The following TNNT3 variants were observed in gnomAD, a reference collection of about 807,000 sequenced individuals.
The protein encoded by TNNT3 is troponin T, fast skeletal muscle.
A neutral mutation model predicts 54.2 loss-of-function variants in TNNT3; 36 were observed. That is an observed-to-expected ratio of 0.66 (90% CI 0.51 to 0.88). The LOEUF (loss-of-function observed/expected upper bound fraction) is 0.88, where lower values mean the gene tolerates loss of function less well. Ranked by LOEUF, TNNT3 falls within the 40% of genes least tolerant of loss-of-function variation. The pLI is 0.00. For synonymous variants in TNNT3, 120 were observed against 109.7 expected, an observed-to-expected ratio of 1.09 and a Z score of -0.59; for missense variants, 291 against 331.6, an observed-to-expected ratio of 0.88 and a Z score of 0.95.
At chr11:1,928,434 C>T (rs142433698) in intron 6 of TNNT3, among the ~76,000 whole-genome samples, 2,060 of 152,260 alleles carry the variant, frequency 0.014, 28 homozygotes, top group Non-Finnish European at 0.022. Context: ...CCAGAGGGGC[C>T]CAGTCTCAGG....
chr11:1,938,539 A>G lies in TNNT3; in HGVS notation c.*47A>G. The G allele has an allele frequency of 6.3e-7, 1 of 1,586,160 alleles. No homozygotes were observed. Among genetic ancestry groups the G allele is most frequent in the Non-Finnish European group, 8.6e-7 (1 of 1,156,794 alleles). ...AGGCAGAGACCCTCCGCCCTCTTGCACACCAGGGCCGCTCGTGGGACTCCA... is the reference window on the plus strand; with the variant it reads ...AGGCAGAGACCCTCCGCCCTCTTGCGCACCAGGGCCGCTCGTGGGACTCCA... On this transcript the variant is annotated 3_prime_UTR_variant, in exon 16 of 16. Coordinates refer to ENST00000278317, the MANE Select transcript of TNNT3 (RefSeq NM_006757.4).
intron 6 of TNNT3, chr11:1,927,800 C>T: frequency 6.6e-6 from 1 of 152,658 alleles, no homozygotes; most frequent in African/African-American, 2.4e-5. Flanking sequence ...GCTCCTCAGC[C>T]ACGCACTGCG....
At chr11:1,923,006 T>C in intron 2 of TNNT3, 42 bp from the exon 3 acceptor site, 1 of 1,613,826 alleles carries the variant, frequency 6.2e-7, no homozygotes. Context: ...CCAGCCTCAC[T>C]ACCTCTCTCT....
At position 1,938,441 on chromosome 11, in the gene TNNT3, C is replaced by T; in HGVS notation, c.726C>T (p.Ser242=). 1.9e-6 allele frequency: 3 copies of T among 1,613,302 alleles called. No individual in the cohort carries two copies. Among genetic ancestry groups the T allele is most frequent in the Non-Finnish European group, 2.5e-6 (3 of 1,179,920 alleles). The part of the protein sequence containing the change: ...RSRIDQAQKH[S]KKAGTPAKGK... ...ATCACTTGCTTCCCATTTGCAGCAG[C>T]AAGAAGGCTGGGACCCCAGCCAAGG... Residue 242 remains serine (S), a synonymous_variant, in exon 16 of 16, where the codon AGC becomes AGT. Transcript: ENST00000278317.
chr11:1,922,752 C>A (rs949099622), intron 1 of TNNT3, 105 bp from the exon 2 acceptor site: 2 of 1,158,504 alleles, frequency 1.7e-6, no homozygotes, highest in African/African-American at 3.0e-5. Flanking sequence ...GCCCGCGGTC[C>A]CCCACAGCGC....
chr11:1,933,602 C>T, intron 9 of TNNT3, 119 bp from the exon 10 acceptor site: 1 of 781,936 alleles, frequency 1.3e-6, no homozygotes, highest in Non-Finnish European at 2.3e-6. Flanking sequence ...TCATGGTGGC[C>T]AAGGGAGTCA....
At chr11:1,923,507 G>T (rs1276054374) in intron 3 of TNNT3, 48 bp from the exon 4 acceptor site, 2 of 1,610,230 alleles carry the variant, frequency 1.2e-6, no homozygotes, top group East Asian at 4.5e-5. Flanking sequence ...TCCCTTCACG[G>T]GCTGCCCCTT....
At chr11:1,928,836 C>G (rs1336621709) in intron 6 of TNNT3, 1 of 531,592 alleles carries the variant, frequency 1.9e-6, no homozygotes, top group Non-Finnish European at 3.4e-6. Context: ...CCCTTAGCCC[C>G]CCACCTTGCC....
intron 4 of TNNT3, among the ~76,000 whole-genome samples, chr11:1,924,021 C>T (rs1236485675): frequency 6.6e-6 from 1 of 151,498 alleles, no homozygotes; most frequent in African/African-American, 2.4e-5. Flanking sequence ...AGTTCCTTTC[C>T]GTGTCTCTCT....
chr11:1,929,421 C>G (rs529570266), intron 7 of TNNT3, among the ~76,000 whole-genome samples: 11 of 152,198 alleles, frequency 7.2e-5, no homozygotes, highest in Non-Finnish European at 1.2e-4. Context: ...GAGCCCGGGC[C>G]GGGCACGCCC....
At chr11:1,925,320 C>A (rs1189742247) in intron 5 of TNNT3, 3 of 1,562,264 alleles carry the variant, frequency 1.9e-6, no homozygotes, top group East Asian at 4.7e-5. Context: ...GGGCCCGGGG[C>A]CTGGCTGGAG....
Position 1,938,529 on chromosome 11 carries a change from G to T in TNNT3, c.*37G>T. 6.2e-7 allele frequency: 1 copy of T among 1,607,534 alleles called. No homozygotes were observed. Among genetic ancestry groups the T allele is most frequent in the Non-Finnish European group, 8.5e-7 (1 of 1,175,556 alleles). ...AGGCCCCTCGAGGCAGAGACCCTCC[G>T]CCCTCTTGCACACCAGGGCCGCTCG... On this transcript the variant is annotated 3_prime_UTR_variant, in exon 16 of 16. Coordinates refer to ENST00000278317, the MANE Select transcript of TNNT3 (RefSeq NM_006757.4).
At chr11:1,924,022 G>A (rs1476970251) in intron 4 of TNNT3, among the ~76,000 whole-genome samples, 3 of 151,754 alleles carry the variant, frequency 2.0e-5, no homozygotes, top group South Asian at 2.1e-4. Context: ...GTTCCTTTCC[G>A]TGTCTCTCTT....
intron 8 of TNNT3, among the ~76,000 whole-genome samples, chr11:1,930,433 T>G (rs1853041484): frequency 6.6e-6 from 1 of 152,212 alleles, no homozygotes; most frequent in African/African-American, 2.4e-5. Context: ...GAGCTCACTG[T>G]GCAGGGGCCC....
chr11:1,935,738 C>A (rs1250563456), intron 14 of TNNT3, among the ~76,000 whole-genome samples: 12 of 152,124 alleles, frequency 7.9e-5, no homozygotes, highest in African/African-American at 2.9e-4. Context: ...CCGCCAGAGG[C>A]CCCAGGGGAG....
chr11:1,936,202 T>G, intron 14 of TNNT3: 5 of 1,613,842 alleles, frequency 3.1e-6, no homozygotes, highest in Non-Finnish European at 4.2e-6. Flanking sequence ...GTAACCATCT[T>G]GGTCTTTCTA....
At chr11:1,933,579 C>A in intron 9 of TNNT3, 142 bp from the exon 10 acceptor site, 1 of 719,052 alleles carries the variant, frequency 1.4e-6, no homozygotes, top group Admixed American at 2.1e-5. Flanking sequence ...ACATTCCTTG[C>A]CACTTGCCAT....
intron 15 of TNNT3, 149 bp downstream of exon 15, chr11:1,937,152 C>A (rs930427326): frequency 3.5e-6 from 3 of 862,206 alleles, no homozygotes; most frequent in Non-Finnish European, 3.7e-6. Context: ...GGCCAGCATG[C>A]GCAGGCCTGT....
chr11:1,923,030 T>G lies in TNNT3; in HGVS notation c.18-18T>G. 1 of 1,613,894 alleles carries G rather than the reference T, an allele frequency of 6.2e-7. No homozygotes were observed. Among genetic ancestry groups the G allele is most frequent in the Non-Finnish European group, 8.5e-7 (1 of 1,179,992 alleles). ...CTACCTCTCTCTCTTTCTTTCTCTC[T>G]CTCTCCCTGCCCCACAGTGAACAGG... is the stretch of plus-strand genomic sequence containing the variant. On this transcript the variant is annotated intron_variant, in intron 2 of 15. Coordinates refer to ENST00000278317, the MANE Select transcript of TNNT3 (RefSeq NM_006757.4).
Sources: allele counts gnomAD v4.1 joint callset (sites outside exome capture counted in the v4.1 genomes callset), GRCh38; gene constraint gnomAD v4.1.1; transcripts MANE v1.5; gene names NCBI Gene and HGNC (gene_info 2026-07-23, HGNC 2026-07-21).